PALLD: variants seen among roughly 807,000 people sequenced by gnomAD.
The protein encoded by PALLD is palladin.
PALLD carries 61 observed loss-of-function variants against 123.5 expected under a neutral mutation model. The observed-to-expected ratio is 0.49, with a 90% CI of 0.40 to 0.61. The LOEUF (loss-of-function observed/expected upper bound fraction) is 0.61. Ranked by LOEUF, PALLD falls within the 20% of genes least tolerant of loss-of-function variation. PALLD has a pLI of 0.00. For synonymous variants in PALLD, 465 were observed against 496.4 expected, an observed-to-expected ratio of 0.94 and a Z score of 0.84; for missense variants, 1,273 against 1,377.0, an observed-to-expected ratio of 0.92 and a Z score of 1.20.
rs563856746 is a variant in PALLD, at chr4:168,656,060, C to T, written c.909-12130C>T. 8.5e-5 allele frequency among the ~76,000 whole-genome samples: 13 copies of T among 152,290 alleles called. No homozygotes were observed. In the East Asian group the frequency reaches 2.1e-3, roughly 25 times the overall value. ...GGACAGGTTCCAAATGCACAGAAGACTGACAGCATTGTCTGATAAAGCATC... is the reference window on the plus strand; with the variant it reads ...GGACAGGTTCCAAATGCACAGAAGATTGACAGCATTGTCTGATAAAGCATC... On this transcript the variant is annotated intron_variant, in intron 2 of 21. Transcript: ENST00000505667.
intron 2 of PALLD, among the ~76,000 whole-genome samples, chr4:168,531,149 T>C (rs865829982): frequency 6.6e-6 from 1 of 152,228 alleles, no homozygotes; most frequent in Admixed American, 6.5e-5. Context: ...CTTGATTATG[T>C]ATGTGTGAAT....
intron 2 of PALLD, among the ~76,000 whole-genome samples, chr4:168,635,097 C>G (rs540111210): frequency 6.6e-6 from 1 of 152,282 alleles, no homozygotes; most frequent in South Asian, 2.1e-4. Flanking sequence ...CTTGGGAAGC[C>G]ATCAGTTATG....
In PALLD at chr4:168,713,231, T is replaced by C. The variant is rs1320225996; in HGVS notation, c.1964+1308T>C. Among the ~76,000 whole-genome samples, 3 of 152,210 alleles carry C rather than the reference T, an allele frequency of 2.0e-5. No homozygotes were observed. The East Asian group carries it at 5.8e-4, about 29-fold the overall frequency. On this transcript the variant is annotated intron_variant, in intron 10 of 21. Transcript: ENST00000505667. The stretch of plus-strand genomic sequence containing the variant: ...GGTGCTGGTGAACATTTAATACCTA[T>C]GCGCCATCTCCATTCAGAGGCTGAA...
intron 1 of PALLD, chr4:168,504,807 T>C (rs953800535): frequency 1.3e-5 from 2 of 152,184 alleles, no homozygotes; most frequent in Non-Finnish European, 2.9e-5. Context: ...TTCTTCAAAA[T>C]TTCAAAATCT....
chr4:168,711,170 A>G (rs1784801694), intron 9 of PALLD, among the ~76,000 whole-genome samples: 1 of 152,258 alleles, frequency 6.6e-6, no homozygotes, highest in African/African-American at 2.4e-5. Context: ...ATATCCACAT[A>G]AAACCTTTAC....
chr4:168,853,401 A>G (rs7685014), intron 10 of PALLD, among the ~76,000 whole-genome samples: 102,980 of 152,106 alleles, frequency 0.68, 36,728 homozygotes, highest in East Asian at 0.96. Context: ...AAGCTAGAAA[A>G]GACCCTCAAG....
At chr4:168,890,889 C>T (rs1181843763) in intron 10 of PALLD, 33 bp from the exon 11 acceptor site, 9 of 1,612,690 alleles carry the variant, frequency 5.6e-6, no homozygotes, top group African/African-American at 1.3e-5. Context: ...TGCCTGACAA[C>T]TAACTATACT....
In PALLD at chr4:168,678,339, A is replaced by G. The variant is rs566739348; in HGVS notation, c.1088-2993A>G. Among the ~76,000 whole-genome samples the G allele has an allele frequency of 1.8e-4, 28 of 152,270 alleles. 1 individual carries two copies. The East Asian group carries it at 3.7e-3, about 20-fold the overall frequency. On this transcript the variant is annotated intron_variant, in intron 3 of 21. Coordinates refer to ENST00000505667, the MANE Select transcript of PALLD (RefSeq NM_001166108.2). The stretch of plus-strand genomic sequence containing the variant: ...AGTGCCCAGCAGACGCCGGGCACAT[A>G]GGACATATGCAAAAATTGGTAGTTC...
intron 10 of PALLD, chr4:168,831,979 C>T (rs1394232673): frequency 1.0e-6 from 1 of 985,286 alleles, no homozygotes; most frequent in African/African-American, 1.7e-5. Flanking sequence ...CGCCTCCTCT[C>T]TCCCGCCCGC....
intron 10 of PALLD, among the ~76,000 whole-genome samples, chr4:168,828,251 A>G (rs2150831741): frequency 6.6e-6 from 1 of 152,344 alleles, no homozygotes; most frequent in Middle Eastern, 3.4e-3. Context: ...AATATTAAGC[A>G]AAATGCCGGA....
chr4:168,907,153 T>A (rs1757985201), intron 15 of PALLD, among the ~76,000 whole-genome samples: 1 of 151,982 alleles, frequency 6.6e-6, no homozygotes, highest in East Asian at 1.9e-4. Context: ...CAGATTTAAA[T>A]AGTACATGTA....
intron 10 of PALLD, among the ~76,000 whole-genome samples, chr4:168,765,025 T>C (rs1733475840): frequency 6.6e-6 from 1 of 152,316 alleles, no homozygotes; most frequent in African/African-American, 2.4e-5. Flanking sequence ...TTCTTTGTAG[T>C]AGGTAGCCTC....
At chr4:168,648,986 A>G (rs1485032278) in intron 2 of PALLD, 2 of 152,248 alleles carry the variant, frequency 1.3e-5, no homozygotes, top group African/African-American at 2.4e-5. Flanking sequence ...TCAAGATCCA[A>G]CCCAAAGACT....
In PALLD at chr4:168,562,097, T is replaced by TAA. The variant is rs11424900; in HGVS notation, c.908+49696_908+49697dup. ...AAGATTGGCTCAAAGGTCACAAGGA[T>TAA]AAAAAAAAAAAAGGAATGCAGACAC... On this transcript the variant is annotated intron_variant, in intron 2 of 21. Transcript: ENST00000505667. Among the ~76,000 whole-genome samples, 362 of 145,072 alleles carry TAA rather than the reference T, an allele frequency of 2.5e-3. 1 individual carries two copies. The highest frequency in any genetic ancestry group is 7.9e-3 in the African/African-American group (310 of 39,420).
chr4:168,801,424 G>T (rs897350205), intron 10 of PALLD, among the ~76,000 whole-genome samples: 2 of 151,962 alleles, frequency 1.3e-5, no homozygotes, highest in African/African-American at 2.4e-5. Context: ...GATTATAGGC[G>T]CATGCCACCA....
At chr4:168,554,932 T>G (rs981706461) in intron 2 of PALLD, among the ~76,000 whole-genome samples, 1 of 152,174 alleles carries the variant, frequency 6.6e-6, no homozygotes, top group East Asian at 1.9e-4. Flanking sequence ...AAGATACAAA[T>G]TAAAAACACT....
At chr4:168,547,643 A>G (rs1210362727) in intron 2 of PALLD, among the ~76,000 whole-genome samples, 1 of 151,362 alleles carries the variant, frequency 6.6e-6, no homozygotes, top group East Asian at 2.0e-4. Context: ...TTGAGGCGCA[A>G]GAATTGCTTA....
chr4:168,816,415 T>TATATATATATATATATATATATATA (rs35097396), intron 10 of PALLD, among the ~76,000 whole-genome samples: 3 of 136,288 alleles, frequency 2.2e-5, no homozygotes, highest in African/African-American at 8.0e-5. Flanking sequence ...ATATATATAT[T>TATATATATATATATATATATATATA]TTTTTTAAGT....
intron 10 of PALLD, among the ~76,000 whole-genome samples, chr4:168,848,597 CA>C (rs1212581628): frequency 2.0e-5 from 3 of 152,176 alleles, no homozygotes; most frequent in Non-Finnish European, 2.9e-5. Context: ...GGGTTATTGT[CA>C]AACTTAGAAC....
Sources: gnomAD v4.1 joint callset for allele counts (sites outside exome capture counted in the v4.1 genomes callset) on GRCh38, gnomAD v4.1.1 for gene constraint, MANE v1.5 for transcripts, NCBI Gene and HGNC (gene_info 2026-07-23, HGNC 2026-07-21) for gene names.